SHISA9: variants seen among roughly 807,000 people sequenced by gnomAD.
The protein encoded by SHISA9 is protein shisa-9.
SHISA9 carries 13 observed loss-of-function variants against 38.0 expected under a neutral mutation model. The ratio of observed to expected loss-of-function variants is 0.34; its 90% confidence interval spans 0.22 to 0.54. The LOEUF (loss-of-function observed/expected upper bound fraction) is 0.54. Ranked by LOEUF, SHISA9 falls within the 20% of genes least tolerant of loss-of-function variation. The pLI is 0.91. For missense variants in SHISA9, 538 were observed against 575.8 expected (o/e 0.93, Z 0.67); for synonymous variants, 275 against 242.0 (o/e 1.14, Z -1.27).
chr16:13,109,631 G>A (rs2073958704), intron 2 of SHISA9, among the ~76,000 whole-genome samples: 1 of 152,170 alleles, frequency 6.6e-6, no homozygotes, highest in African/African-American at 2.4e-5. Context: ...TGAGCATCCA[G>A]TGTGAGGACA....
chr16:13,234,890 C>G, intron 4 of SHISA9, 140 bp from the exon 5 acceptor site: 1 of 957,090 alleles, frequency 1.0e-6, no homozygotes, highest in Non-Finnish European at 1.5e-6. Context: ...GGTGGAGTTT[C>G]TAGTGTGTCT....
chr16:13,134,505 GT>G (rs1323099312), intron 2 of SHISA9, among the ~76,000 whole-genome samples: 2 of 152,112 alleles, frequency 1.3e-5, no homozygotes, highest in African/African-American at 4.8e-5. Context: ...TTTTCACAGA[GT>G]AGAGAATATT....
At chr16:13,261,948 T>C in the SHISA9 span, among the ~76,000 whole-genome samples, 1 of 152,226 alleles carries the variant, frequency 6.6e-6, no homozygotes, top group Non-Finnish European at 1.5e-5. Context: ...AAGATTCTGC[T>C]GGCAGGTGTA....
At chr16:13,323,840 C>G in the SHISA9 span, among the ~76,000 whole-genome samples, 1 of 152,272 alleles carries the variant, frequency 6.6e-6, no homozygotes, top group South Asian at 2.1e-4. Flanking sequence ...CTCTCGACAC[C>G]TGGGGATTAC....
intron 2 of SHISA9, among the ~76,000 whole-genome samples, chr16:13,061,485 G>T (rs1405421249): frequency 6.6e-6 from 1 of 152,172 alleles, no homozygotes; most frequent in African/African-American, 2.4e-5. Flanking sequence ...AACTTGGCAG[G>T]TTTATGCACT....
At chr16:13,496,538 A>G in the SHISA9 span, among the ~76,000 whole-genome samples, 1 of 152,116 alleles carries the variant, frequency 6.6e-6, no homozygotes, top group Non-Finnish European at 1.5e-5. Flanking sequence ...TATTACCATT[A>G]TGGATTTTCT....
At chr16:13,454,915 A>G in the SHISA9 span, among the ~76,000 whole-genome samples, 1 of 152,140 alleles carries the variant, frequency 6.6e-6, no homozygotes, top group South Asian at 2.1e-4. Context: ...CCATGTGAAG[A>G]CTTGCCTGAG....
At chr16:13,474,008 T>C in the SHISA9 span, among the ~76,000 whole-genome samples, 1 of 152,194 alleles carries the variant, frequency 6.6e-6, no homozygotes, top group African/African-American at 2.4e-5. Context: ...ATGTGCAGTA[T>C]ATGTGGCCAT....
At chr16:13,435,740 A>G in the SHISA9 span, among the ~76,000 whole-genome samples, 5 of 152,340 alleles carry the variant, frequency 3.3e-5, no homozygotes, top group Admixed American at 2.0e-4. Flanking sequence ...TTGATTCACA[A>G]GGCTGCTGTG....
At chr16:13,110,928 A>G (rs1183829989) in intron 2 of SHISA9, among the ~76,000 whole-genome samples, 2 of 152,212 alleles carry the variant, frequency 1.3e-5, no homozygotes, top group African/African-American at 4.8e-5. Context: ...GGCTTCTAAG[A>G]TTTAACTGTA....
intron 2 of SHISA9, among the ~76,000 whole-genome samples, chr16:13,181,532 G>A (rs2050779529): frequency 6.6e-6 from 1 of 151,780 alleles, no homozygotes; most frequent in Non-Finnish European, 1.5e-5. Flanking sequence ...GTAGGTGCGG[G>A]ATCATGCAGG....
At chr16:13,345,753 C>A in the SHISA9 span, among the ~76,000 whole-genome samples, 1 of 152,162 alleles carries the variant, frequency 6.6e-6, no homozygotes, top group Admixed American at 6.6e-5. Context: ...CACGACCTCA[C>A]CAGCATCTGT....
At chr16:13,454,641 A>T in the SHISA9 span, among the ~76,000 whole-genome samples, 2 of 152,218 alleles carry the variant, frequency 1.3e-5, no homozygotes, top group African/African-American at 4.8e-5. Context: ...GACTTGCTCT[A>T]ACACCTGTGC....
At chr16:13,381,794 C>G in the SHISA9 span, among the ~76,000 whole-genome samples, 20 of 152,050 alleles carry the variant, frequency 1.3e-4, no homozygotes, top group Admixed American at 6.5e-5. Context: ...TGGAGCAGGA[C>G]TTGGGAAGGT....
intron 2 of SHISA9, among the ~76,000 whole-genome samples, chr16:13,172,251 C>A (rs958074024): frequency 6.6e-6 from 1 of 152,152 alleles, no homozygotes; most frequent in African/African-American, 2.4e-5. Flanking sequence ...TGGGCACTAA[C>A]TTTATGCTTG....
the SHISA9 span, among the ~76,000 whole-genome samples, chr16:13,295,176 A>C: frequency 6.6e-6 from 1 of 152,234 alleles, no homozygotes; most frequent in Non-Finnish European, 1.5e-5. Flanking sequence ...AGACTTTTGC[A>C]TTGAACCATT....
At chr16:13,195,971 C>T (rs1459750406) in intron 2 of SHISA9, among the ~76,000 whole-genome samples, 1 of 150,960 alleles carries the variant, frequency 6.6e-6, no homozygotes, top group Non-Finnish European at 1.5e-5. Context: ...GCCTGTGGTG[C>T]CAGCTACTCG....
At chr16:13,108,441 G>A (rs1342820001) in intron 2 of SHISA9, among the ~76,000 whole-genome samples, 1 of 152,078 alleles carries the variant, frequency 6.6e-6, no homozygotes, top group African/African-American at 2.4e-5. Context: ...ATTTTTTGAA[G>A]TTTTTGGAGT....
chr16:12,919,632 A>G (rs1020868693), intron 2 of SHISA9, among the ~76,000 whole-genome samples: 2 of 152,206 alleles, frequency 1.3e-5, no homozygotes, highest in African/African-American at 4.8e-5. Context: ...AGGGCCATGG[A>G]GAGAGACTTG....
Sources: allele counts gnomAD v4.1 joint callset (sites outside exome capture counted in the v4.1 genomes callset), GRCh38; gene constraint gnomAD v4.1.1; transcripts MANE v1.5; gene names NCBI Gene and HGNC (gene_info 2026-07-23, HGNC 2026-07-21).